The following SLC24A2 variants were observed in gnomAD, a reference collection of about 807,000 sequenced individuals.
SLC24A2 encodes the protein solute carrier family 24 member 2, also known as sodium/potassium/calcium exchanger 2.
A neutral mutation model predicts 62.0 loss-of-function variants in SLC24A2; 36 were observed. The observed-to-expected ratio is 0.58, with a 90% CI of 0.44 to 0.77. The LOEUF is 0.77. Among genes scored for constraint, SLC24A2 ranks in the 30% least tolerant of loss-of-function variants. The pLI is 0.00. For synonymous variants in SLC24A2, 358 were observed against 294.0 expected, an observed-to-expected ratio of 1.22 and a Z score of -2.23; for missense variants, 846 against 817.9, an observed-to-expected ratio of 1.03 and a Z score of -0.42.
chr9:19,654,721 C>T (rs1293885201), intron 2 of SLC24A2, among the ~76,000 whole-genome samples: 4 of 152,050 alleles, frequency 2.6e-5, no homozygotes, highest in Non-Finnish European at 4.4e-5. Flanking sequence ...AACCTGCCCC[C>T]GGTGTCTCCA....
chr9:20,295,158 C>G, the SLC24A2 span, among the ~76,000 whole-genome samples: 1 of 151,934 alleles, frequency 6.6e-6, no homozygotes, highest in South Asian at 2.1e-4. Flanking sequence ...CCCTAAAGAT[C>G]AAAATCCCTA....
At chr9:19,704,557 T>C (rs1262015320) in intron 2 of SLC24A2, among the ~76,000 whole-genome samples, 1 of 152,182 alleles carries the variant, frequency 6.6e-6, no homozygotes, top group African/African-American at 2.4e-5. Context: ...ATAATAAAAC[T>C]ATATTTTCAA....
At chr9:20,267,289 C>T in the SLC24A2 span, among the ~76,000 whole-genome samples, 1 of 152,226 alleles carries the variant, frequency 6.6e-6, no homozygotes, top group African/African-American at 2.4e-5. Flanking sequence ...CCATCCCCAC[C>T]CTCTAACCCC....
intron 2 of SLC24A2, among the ~76,000 whole-genome samples, chr9:19,717,960 T>C (rs1820906268): frequency 1.3e-5 from 2 of 150,758 alleles, no homozygotes; most frequent in Non-Finnish European, 2.9e-5. Flanking sequence ...ATATAATGGC[T>C]AGATGATTTA....
the SLC24A2 span, among the ~76,000 whole-genome samples, chr9:19,961,134 G>T: frequency 3.5e-5 from 3 of 85,604 alleles, no homozygotes; most frequent in Admixed American, 1.3e-4. Flanking sequence ...AGAGACAGAA[G>T]AAAGGGGAGA....
chr9:19,696,206 C>T (rs11999199), intron 2 of SLC24A2, among the ~76,000 whole-genome samples: 8,316 of 152,174 alleles, frequency 0.055, 267 homozygotes, highest in African/African-American at 0.092. Context: ...ACAGTTTCAT[C>T]GCAAAACCAT....
intron 2 of SLC24A2, among the ~76,000 whole-genome samples, chr9:19,664,765 G>T (rs1161721772): frequency 6.6e-6 from 1 of 152,150 alleles, no homozygotes; most frequent in East Asian, 1.9e-4. Flanking sequence ...TGATGATAGA[G>T]GCAGAGACTG....
the SLC24A2 span, among the ~76,000 whole-genome samples, chr9:20,233,083 C>G: frequency 6.6e-6 from 1 of 152,096 alleles, no homozygotes; most frequent in African/African-American, 2.4e-5. Context: ...GCACTGTGGT[C>G]TGAGAGACAG....
chr9:20,207,944 C>T, the SLC24A2 span, among the ~76,000 whole-genome samples: 1 of 152,174 alleles, frequency 6.6e-6, no homozygotes, highest in East Asian at 1.9e-4. Flanking sequence ...CACATTCCTT[C>T]AATATTTAGA....
the SLC24A2 span, among the ~76,000 whole-genome samples, chr9:20,236,056 G>A: frequency 2.0e-5 from 3 of 152,110 alleles, no homozygotes; most frequent in Non-Finnish European, 2.9e-5. Flanking sequence ...ACTAGATATC[G>A]CTTTATAGAA....
the SLC24A2 span, among the ~76,000 whole-genome samples, chr9:20,084,509 C>T: frequency 6.8e-6 from 1 of 146,976 alleles, no homozygotes. Flanking sequence ...TCCCACCCCT[C>T]TCCCACCCCT....
intron 2 of SLC24A2, among the ~76,000 whole-genome samples, chr9:19,773,986 G>C (rs1191036315): frequency 6.6e-6 from 1 of 152,154 alleles, no homozygotes; most frequent in Non-Finnish European, 1.5e-5. Context: ...TGTTAGTTAG[G>C]GATTGGTTGG....
At chr9:19,794,918 CT>C in the SLC24A2 span, among the ~76,000 whole-genome samples, 1 of 152,096 alleles carries the variant, frequency 6.6e-6, no homozygotes, top group Non-Finnish European at 1.5e-5. Flanking sequence ...GCCTTCTTTC[CT>C]AAGCTAGACT....
At chr9:20,208,962 G>C in the SLC24A2 span, among the ~76,000 whole-genome samples, 1 of 152,226 alleles carries the variant, frequency 6.6e-6, no homozygotes, top group Non-Finnish European at 1.5e-5. Flanking sequence ...CAGTGCCTCA[G>C]TTCAAACTAC....
intron 5 of SLC24A2, among the ~76,000 whole-genome samples, chr9:19,594,381 C>G (rs1475551753): frequency 6.6e-6 from 1 of 152,146 alleles, no homozygotes; most frequent in East Asian, 1.9e-4. Flanking sequence ...GCACAATTCT[C>G]TATATTTAGA....
intron 2 of SLC24A2, among the ~76,000 whole-genome samples, chr9:19,735,366 G>A (rs541051477): frequency 6.6e-6 from 1 of 152,090 alleles, no homozygotes; most frequent in African/African-American, 2.4e-5. Context: ...AACAGGTGCT[G>A]GAGAGGACGT....
the SLC24A2 span, among the ~76,000 whole-genome samples, chr9:20,225,564 A>ATATATATAATATATATTATATATATATAT: frequency 8.6e-6 from 1 of 115,966 alleles, no homozygotes; most frequent in African/African-American, 4.0e-5. Context: ...TATATATTAT[A>ATATATATAATATATATTATATATATATAT]TATATATATA....
chr9:20,268,870 C>T, the SLC24A2 span, among the ~76,000 whole-genome samples: 81 of 152,216 alleles, frequency 5.3e-4, no homozygotes, highest in African/African-American at 1.8e-3. Flanking sequence ...GGAGGAACTA[C>T]GAAAGAGAAC....
the SLC24A2 span, among the ~76,000 whole-genome samples, chr9:20,244,021 G>GTTT: frequency 6.6e-6 from 1 of 152,162 alleles, no homozygotes; most frequent in Non-Finnish European, 1.5e-5. Flanking sequence ...GTCCCAGCCT[G>GTTT]TGAAACTGCG....
Sources: allele counts gnomAD v4.1 joint callset (sites outside exome capture counted in the v4.1 genomes callset), GRCh38; gene constraint gnomAD v4.1.1; transcripts MANE v1.5; gene names NCBI Gene and HGNC (gene_info 2026-07-23, HGNC 2026-07-21).